The following GLIS3 variants were observed in gnomAD, a reference collection of about 807,000 sequenced individuals.
GLIS3 encodes GLIS family zinc finger 3.
GLIS3 carries 53 observed loss-of-function variants against 78.6 expected under a neutral mutation model. That is an observed-to-expected ratio of 0.67 (90% CI 0.54 to 0.85). The LOEUF is 0.85. GLIS3 is among the 40% of genes least tolerant of loss of function. The pLI is 0.00. For synonymous variants in GLIS3, 684 were observed against 509.9 expected, an observed-to-expected ratio of 1.34 and a Z score of -4.60; for missense variants, 1,703 against 1,231.1, an observed-to-expected ratio of 1.38 and a Z score of -5.74.
intron 4 of GLIS3, among the ~76,000 whole-genome samples, chr9:4,100,177 A>G (rs1830258889): frequency 2.6e-5 from 4 of 152,236 alleles, no homozygotes; most frequent in Admixed American, 2.6e-4. Context: ...AACAGAAACC[A>G]GAACAGGTGG....
chr9:4,150,202 C>T (rs10125159), intron 2 of GLIS3, among the ~76,000 whole-genome samples: 39,082 of 152,038 alleles, frequency 0.26, 6,901 homozygotes, highest in African/African-American at 0.5. Flanking sequence ...TTAAAAACAA[C>T]AAAAATAAAG....
chr9:3,944,712 C>G (rs183698264), intron 4 of GLIS3, among the ~76,000 whole-genome samples: 1 of 152,138 alleles, frequency 6.6e-6, no homozygotes, highest in Admixed American at 6.5e-5. Flanking sequence ...TGTTTTATGG[C>G]TATGTAATTA....
chr9:3,939,346 A>AT (rs1295123969), intron 4 of GLIS3, among the ~76,000 whole-genome samples: 1 of 152,240 alleles, frequency 6.6e-6, no homozygotes, highest in Non-Finnish European at 1.5e-5. Context: ...TCTCTGATTA[A>AT]TTCAAACTGT....
intron 4 of GLIS3, among the ~76,000 whole-genome samples, chr9:4,009,718 C>T (rs576174889): frequency 1.3e-5 from 2 of 152,338 alleles, no homozygotes; most frequent in South Asian, 2.1e-4. Flanking sequence ...TCAGGCACCA[C>T]CAGAGCGGTG....
chr9:4,108,993 C>G (rs1830994058), intron 4 of GLIS3, among the ~76,000 whole-genome samples: 1 of 152,128 alleles, frequency 6.6e-6, no homozygotes, highest in Non-Finnish European at 1.5e-5. Flanking sequence ...TGCTGCCTTC[C>G]CCGGTCTAGA....
the GLIS3 span, among the ~76,000 whole-genome samples, chr9:4,418,298 G>C: frequency 6.6e-6 from 1 of 152,180 alleles, no homozygotes; most frequent in Admixed American, 6.5e-5. Context: ...TAACTATTGA[G>C]GTCATTGGCC....
chr9:3,852,307 T>G (rs544240054), intron 9 of GLIS3, among the ~76,000 whole-genome samples: 25 of 152,320 alleles, frequency 1.6e-4, no homozygotes, highest in African/African-American at 6.0e-4. Flanking sequence ...GACCTCTACC[T>G]ACGGCAGGGA....
the GLIS3 span, among the ~76,000 whole-genome samples, chr9:4,432,400 G>A: frequency 6.6e-6 from 1 of 152,134 alleles, no homozygotes; most frequent in Non-Finnish European, 1.5e-5. Flanking sequence ...CAGCAAGAAA[G>A]CGTTGTAGGC....
intron 2 of GLIS3, among the ~76,000 whole-genome samples, chr9:4,164,582 A>C (rs1835739766): frequency 6.6e-6 from 1 of 152,174 alleles, no homozygotes; most frequent in African/African-American, 2.4e-5. Flanking sequence ...AGCTGCCTTC[A>C]TCTTCACCAA....
At chr9:4,166,054 C>A (rs1449639259) in intron 2 of GLIS3, among the ~76,000 whole-genome samples, 1 of 152,150 alleles carries the variant, frequency 6.6e-6, no homozygotes, top group Non-Finnish European at 1.5e-5. Flanking sequence ...TGGGCTACTG[C>A]TTATTAGACT....
At chr9:4,441,990 G>C in the GLIS3 span, among the ~76,000 whole-genome samples, 1 of 152,146 alleles carries the variant, frequency 6.6e-6, no homozygotes, top group African/African-American at 2.4e-5. Flanking sequence ...AAAATTTCCT[G>C]TTCTTCAGTT....
the GLIS3 span, among the ~76,000 whole-genome samples, chr9:4,358,316 T>C: frequency 2.9e-4 from 38 of 131,396 alleles, 1 homozygote; most frequent in East Asian, 8.2e-3. Flanking sequence ...AGTATCACTT[T>C]TGTAATTTAC....
intron 6 of GLIS3, among the ~76,000 whole-genome samples, chr9:3,922,619 G>A (rs1824963216): frequency 6.6e-6 from 1 of 152,040 alleles, no homozygotes; most frequent in Admixed American, 6.6e-5. Context: ...GGGGTAAGGT[G>A]GGGAAGGATA....
the GLIS3 span, among the ~76,000 whole-genome samples, chr9:4,399,461 T>C: frequency 6.6e-6 from 1 of 152,234 alleles, no homozygotes; most frequent in Non-Finnish European, 1.5e-5. Context: ...CTAAGGCTTA[T>C]GAATATGAAA....
the GLIS3 span, among the ~76,000 whole-genome samples, chr9:4,388,663 G>A: frequency 3.7e-4 from 56 of 152,096 alleles, no homozygotes; most frequent in African/African-American, 8.2e-4. Flanking sequence ...GTGACAGAGC[G>A]AGACTCCATC....
intron 2 of GLIS3, among the ~76,000 whole-genome samples, chr9:4,168,694 G>T (rs1050967467): frequency 5.9e-5 from 9 of 152,124 alleles, no homozygotes; most frequent in African/African-American, 9.7e-5. Context: ...TATGAGTGTT[G>T]TAACTGTCCT....
intron 8 of GLIS3, among the ~76,000 whole-genome samples, chr9:3,858,383 C>G (rs972946401): frequency 6.6e-6 from 1 of 152,102 alleles, no homozygotes; most frequent in Non-Finnish European, 1.5e-5. Context: ...GGGCCATGCT[C>G]TCTTGACTAC....
intron 4 of GLIS3, among the ~76,000 whole-genome samples, chr9:4,036,406 C>T (rs749961158): frequency 6.6e-6 from 1 of 151,990 alleles, no homozygotes; most frequent in Non-Finnish European, 1.5e-5. Flanking sequence ...TATAAATAAA[C>T]AGATGTATAA....
intron 8 of GLIS3, among the ~76,000 whole-genome samples, chr9:3,863,870 T>C (rs367651886): frequency 3.9e-5 from 6 of 152,078 alleles, no homozygotes; most frequent in East Asian, 3.9e-4. Flanking sequence ...ACCCACAGCA[T>C]TGCAGTGTTT....
Sources: allele counts gnomAD v4.1 joint callset (sites outside exome capture counted in the v4.1 genomes callset), GRCh38; gene constraint gnomAD v4.1.1; transcripts MANE v1.5; gene names NCBI Gene and HGNC (gene_info 2026-07-23, HGNC 2026-07-21).